The following AGPAT3 variants were observed in gnomAD, a reference collection of about 807,000 sequenced individuals.
AGPAT3 encodes the protein 1-acyl-sn-glycerol-3-phosphate acyltransferase gamma.
In AGPAT3, 5 loss-of-function variants were observed where a neutral mutation model predicts 47.3. The observed-to-expected ratio is 0.11, with a 90% CI of 0.06 to 0.22. AGPAT3 has a LOEUF of 0.22. AGPAT3 is among the 10% of genes least tolerant of loss of function. AGPAT3 has a pLI of 1.00. For synonymous variants in AGPAT3, 212 were observed against 208.3 expected (o/e 1.02, Z -0.15); for missense variants, 315 against 493.0 (o/e 0.64, Z 3.42).
At chr21:43,912,977 T>C (rs1250726247) in intron 2 of AGPAT3, among the ~76,000 whole-genome samples, 1 of 152,256 alleles carries the variant, frequency 6.6e-6, no homozygotes, top group East Asian at 1.9e-4. Flanking sequence ...TCAGTGAATG[T>C]GTTCTCCTCG....
chr21:43,948,831 C>T (rs576909051), intron 2 of AGPAT3, among the ~76,000 whole-genome samples: 24 of 152,212 alleles, frequency 1.6e-4, no homozygotes, highest in Middle Eastern at 3.4e-3. Context: ...TGTTGACGAA[C>T]GTGTAGTCAG....
intron 1 of AGPAT3, among the ~76,000 whole-genome samples, chr21:43,890,131 C>T (rs936175240): frequency 7.9e-5 from 12 of 152,228 alleles, no homozygotes; most frequent in Middle Eastern, 3.4e-3. Context: ...GGGAGGGGAT[C>T]GGATCCTGGA....
In AGPAT3 at chr21:43,873,175, G is replaced by C. The variant is rs780853412; in HGVS notation, c.-112+7830G>C. Among the ~76,000 whole-genome samples the C allele has an allele frequency of 7.9e-4, 121 of 152,274 alleles. 1 individual carries two copies. The highest frequency in any genetic ancestry group is 1.0e-3 in the South Asian group (5 of 4,826). On this transcript the variant is annotated intron_variant, in intron 1 of 9. Transcript: ENST00000291572. ...GGGACATGCTGAGGTGCTCATAGTG[G>C]CATGGGTGTTGGAGTCAGACCCCGG...
At chr21:43,919,056 C>T (rs2086828284) in intron 2 of AGPAT3, among the ~76,000 whole-genome samples, 1 of 152,084 alleles carries the variant, frequency 6.6e-6, no homozygotes, top group African/African-American at 2.4e-5. Flanking sequence ...CCTGTTTCTC[C>T]TACTGCAGAA....
rs1347084099 is a variant in AGPAT3, at chr21:43,969,142, G to C, written c.373G>C (p.Glu125Gln). ...LGSSKVLAKK[E>Q]LLYVPLIGWT... ...GAGCTCCAAGGTCCTCGCTAAGAAG[G>C]AGCTGCTCTACGTGCCCCTCATCGG... The change falls in exon 5 of 10, where the codon GAG becomes CAG. Residue 125 changes from glutamate to glutamine, a missense_variant. Coordinates refer to ENST00000291572, the MANE Select transcript of AGPAT3 (RefSeq NM_020132.5). 1.2e-6 allele frequency: 2 copies of C among 1,614,170 alleles called. No individual in the cohort carries two copies. The highest frequency in any genetic ancestry group is 4.5e-5 in the East Asian group (2 of 44,882).
At chr21:43,927,887 C>T (rs868730403) in intron 2 of AGPAT3, among the ~76,000 whole-genome samples, 1 of 152,210 alleles carries the variant, frequency 6.6e-6, no homozygotes, top group African/African-American at 2.4e-5. Context: ...GGGCGACCGA[C>T]GTGCCTGGGG....
At chr21:43,904,214 C>A (rs2086432067) in intron 2 of AGPAT3, among the ~76,000 whole-genome samples, 195 bp downstream of exon 2, 1 of 152,208 alleles carries the variant, frequency 6.6e-6, no homozygotes, top group East Asian at 1.9e-4. Context: ...TTATTACAGT[C>A]CCTTCTCATT....
At position 43,985,132 on chromosome 21, in the gene AGPAT3, G is replaced by A. The variant is rs1311811372; in HGVS notation, c.*2740G>A. ...GCCTGGGCCGTGGTCTCCTGGGGAC[G>A]CCGCTGGCCTCCCAGCTTAGGCCCA... On this transcript the variant is annotated 3_prime_UTR_variant, in exon 10 of 10. Coordinates refer to ENST00000291572, the MANE Select transcript of AGPAT3 (RefSeq NM_020132.5). 1 of 456,306 alleles carries A rather than the reference G, an allele frequency of 2.2e-6. No individual in the cohort carries two copies. The highest frequency in any genetic ancestry group is 1.5e-5 in the South Asian group (1 of 64,574). 28.3% of individuals were successfully genotyped at this position (456,306 alleles called of 1,614,324 possible). A position where few individuals can be genotyped will look rare whatever the true frequency, so the allele number is the denominator to read the frequency against.
intron 2 of AGPAT3, among the ~76,000 whole-genome samples, chr21:43,946,190 A>G (rs2087879180): frequency 6.6e-6 from 1 of 152,132 alleles, no homozygotes; most frequent in African/African-American, 2.4e-5. Flanking sequence ...AAAGTCGAGA[A>G]CTTACGGTTT....
chr21:43,975,982 T>G (rs1272633452), intron 7 of AGPAT3, among the ~76,000 whole-genome samples: 2 of 135,196 alleles, frequency 1.5e-5, no homozygotes, highest in East Asian at 4.2e-4. Context: ...TGTTTTTCTT[T>G]TCCTTTTTTT....
At chr21:43,905,741 C>T (rs970527301) in intron 2 of AGPAT3, among the ~76,000 whole-genome samples, 3 of 152,250 alleles carry the variant, frequency 2.0e-5, no homozygotes, top group Admixed American at 1.3e-4. Context: ...AACTGTCCTG[C>T]ACCCCCCAGT....
chr21:43,887,986 C>T (rs560772282), intron 1 of AGPAT3, among the ~76,000 whole-genome samples: 1 of 152,366 alleles, frequency 6.6e-6, no homozygotes, highest in African/African-American at 2.4e-5. Context: ...ATTAATTCAA[C>T]TTCTCTATAC....
intron 3 of AGPAT3, among the ~76,000 whole-genome samples, chr21:43,960,992 T>C (rs542038535): frequency 6.6e-6 from 1 of 151,900 alleles, no homozygotes; most frequent in South Asian, 2.1e-4. Flanking sequence ...AATACAAAAT[T>C]AGCTGAGCAT....
intron 1 of AGPAT3, among the ~76,000 whole-genome samples, chr21:43,876,654 T>C (rs1323732928): frequency 6.6e-6 from 1 of 152,156 alleles, no homozygotes; most frequent in Non-Finnish European, 1.5e-5. Context: ...GAAACCGTAA[T>C]GAACAGTAGA....
chr21:43,872,143 G>A (rs1437065742), intron 1 of AGPAT3, among the ~76,000 whole-genome samples: 4 of 151,166 alleles, frequency 2.6e-5, no homozygotes, highest in African/African-American at 9.7e-5. Context: ...TTATTCCCAG[G>A]TGCCCTTATT....
intron 2 of AGPAT3, among the ~76,000 whole-genome samples, chr21:43,913,010 G>A (rs947605856): frequency 1.3e-5 from 2 of 152,190 alleles, no homozygotes; most frequent in Non-Finnish European, 2.9e-5. Flanking sequence ...TTGAGGACGT[G>A]TAATATTTAG....
At chr21:43,898,484 T>C (rs2086278011) in intron 1 of AGPAT3, among the ~76,000 whole-genome samples, 1 of 152,222 alleles carries the variant, frequency 6.6e-6, no homozygotes, top group Non-Finnish European at 1.5e-5. Flanking sequence ...CAAGCATCCT[T>C]ACCTTCGTTA....
Position 43,915,295 on chromosome 21 carries a change from G to A in AGPAT3, c.-49+11276G>A, listed in dbSNP as rs561366775. Among the ~76,000 whole-genome samples, 11 of 149,134 alleles carry A rather than the reference G, an allele frequency of 7.4e-5. No individual in the cohort carries two copies. In the East Asian group the frequency reaches 1.2e-3, roughly 16 times the overall value. The stretch of plus-strand genomic sequence containing the variant: ...TCAAACTCCTGAGCTCAAGCAGTCC[G>A]CCCTCCTCAACTTCCCAAAGTGCTG... On this transcript the variant is annotated intron_variant, in intron 2 of 9. Coordinates refer to ENST00000291572, the MANE Select transcript of AGPAT3 (RefSeq NM_020132.5).
intron 1 of AGPAT3, among the ~76,000 whole-genome samples, chr21:43,871,308 G>A (rs2085619483): frequency 6.6e-6 from 1 of 152,184 alleles, no homozygotes; most frequent in Admixed American, 6.5e-5. Context: ...GTTCTCTGAT[G>A]ATGCTTAGAG....
Sources: gnomAD v4.1 joint callset for allele counts (sites outside exome capture counted in the v4.1 genomes callset) on GRCh38, gnomAD v4.1.1 for gene constraint, MANE v1.5 for transcripts, NCBI Gene and HGNC (gene_info 2026-07-23, HGNC 2026-07-21) for gene names.